The following SDK2 variants were observed in gnomAD, a reference collection of about 807,000 sequenced individuals.
The protein encoded by SDK2 is protein sidekick-2.
A neutral mutation model predicts 253.9 loss-of-function variants in SDK2; 105 were observed. The ratio of observed to expected loss-of-function variants is 0.41; its 90% CI spans 0.35 to 0.49. The LOEUF (loss-of-function observed/expected upper bound fraction) is 0.49. SDK2 is among the 20% of genes least tolerant of loss of function. The pLI is 0.06. For missense variants in SDK2, 2,608 were observed against 3,003.0 expected (o/e 0.87, Z 3.07); for synonymous variants, 1,249 against 1,234.9 (o/e 1.01, Z -0.24).
At chr17:73,486,649 G>T (rs963647699) in intron 2 of SDK2, among the ~76,000 whole-genome samples, 1 of 151,622 alleles carries the variant, frequency 6.6e-6, no homozygotes, top group Non-Finnish European at 1.5e-5. Context: ...AGAAAGAGAG[G>T]GCAAGTGATG....
At chr17:73,377,122 G>C (rs2062788640) in intron 36 of SDK2, among the ~76,000 whole-genome samples, 2 of 149,818 alleles carry the variant, frequency 1.3e-5, no homozygotes, top group South Asian at 4.2e-4. Flanking sequence ...CAGCCGCCAA[G>C]AATGAGAGTC....
intron 2 of SDK2, among the ~76,000 whole-genome samples, chr17:73,494,291 C>G (rs2063826778): frequency 6.6e-6 from 1 of 152,160 alleles, no homozygotes; most frequent in Non-Finnish European, 1.5e-5. Flanking sequence ...TCAGGGCCAC[C>G]ATGTCCCCCC....
In SDK2 at chr17:73,379,182, A is replaced by G; in HGVS notation, c.4975T>C (p.Tyr1659His). Residue 1659 changes from tyrosine to histidine, a missense_variant, in exon 36 of 45, where the codon TAC becomes CAC. Transcript: ENST00000392650. The surrounding 1 kb of genome is among the most constrained non-coding windows in gnomAD (Gnocchi z 4.5). ...LDSQNGDIQG[Y>H]KIYFWEAQRG... ...TCTGCCCGAGGGCACCCTACCTTGT[A>G]CCCCTGGATGTCTCCATTCTGGCTG... The G allele has an allele frequency of 6.4e-7, 1 of 1,554,910 alleles. No homozygotes were observed. The highest frequency in any genetic ancestry group is 8.7e-7 in the Non-Finnish European group (1 of 1,148,348).
At chr17:73,605,425 G>A (rs926261584) in intron 1 of SDK2, among the ~76,000 whole-genome samples, 2 of 152,116 alleles carry the variant, frequency 1.3e-5, no homozygotes, top group Non-Finnish European at 2.9e-5. Flanking sequence ...AAAAAGTCTT[G>A]CTAGAAGGAA....
chr17:73,415,864 C>T lies in SDK2; in HGVS notation c.2315G>A (p.Ser772Asn), dbSNP rs557475994. 7.0e-6 allele frequency: 11 copies of T among 1,570,698 alleles called. No homozygotes were observed. The South Asian group carries it at 1.3e-4, about 18-fold the overall frequency. The change falls in exon 17 of 45, where the codon AGC (serine) becomes AAC (asparagine). Residue 772 changes from serine to asparagine, a missense_variant. Physicochemically the swap from Ser to Asn is conservative, Grantham distance 46. Coordinates refer to ENST00000392650, the MANE Select transcript of SDK2 (RefSeq NM_001144952.2). ...NYEIEVAAYNSAGLGVYSSKV... is the reference protein window; with the variant it reads ...NYEIEVAAYNNAGLGVYSSKV... Reference sequence around the variant, plus strand: ...ACTGCTGTAGACCCCCAGCCCAGCGCTGTTGTAAGCAGCCACCTCGATCTC... The same window carrying T: ...ACTGCTGTAGACCCCCAGCCCAGCGTTGTTGTAAGCAGCCACCTCGATCTC...
intron 1 of SDK2, among the ~76,000 whole-genome samples, chr17:73,594,814 C>T (rs1388872295): frequency 1.4e-5 from 2 of 143,242 alleles, no homozygotes; most frequent in African/African-American, 6.1e-5. Flanking sequence ...ACACAGCACA[C>T]AGACACACAT....
chr17:73,360,566 A>T (rs746883065), intron 39 of SDK2, among the ~76,000 whole-genome samples: 53 of 148,458 alleles, frequency 3.6e-4, no homozygotes, highest in Non-Finnish European at 6.4e-4. Flanking sequence ...CTGACCAGTA[A>T]CAGGGACTTT....
rs2063610266 is a variant in SDK2, at chr17:73,467,457, T to C, written c.331+4655A>G. Among the ~76,000 whole-genome samples the C allele has an allele frequency of 6.6e-6, 1 of 152,142 alleles. No individual in the cohort carries two copies. ...GGCTGGGACGAGAACCACTGTGCCC[T>C]TCCCAGCACAGTGACCCTCAGGACG... On this transcript the variant is annotated intron_variant, in intron 3 of 44. Transcript: ENST00000392650. The surrounding 1 kb of genome is among the most constrained non-coding windows in gnomAD (Gnocchi z 4.1).
chr17:73,424,740 G>A (rs2063265782), intron 12 of SDK2, among the ~76,000 whole-genome samples: 1 of 152,222 alleles, frequency 6.6e-6, no homozygotes, highest in Non-Finnish European at 1.5e-5. Context: ...GAACCCAGGC[G>A]AGGTTGGCCT....
chr17:73,428,233 T>TG (rs1192741690), intron 12 of SDK2, among the ~76,000 whole-genome samples: 1 of 152,126 alleles, frequency 6.6e-6, no homozygotes, highest in African/African-American at 2.4e-5. Context: ...GAGCTAATTT[T>TG]TTTTGTATTT....
At position 73,374,610 on chromosome 17, in the gene SDK2, A is replaced by G. The variant is rs776890515; in HGVS notation, c.4980+4567T>C. On this transcript the variant is annotated intron_variant, in intron 36 of 44. Transcript: ENST00000392650. ...AGCCTCCCCAGTAGCTGGAATTACA[A>G]GCATGCGCTACCATACCCAGCTAAT... is the stretch of plus-strand genomic sequence containing the variant. 9.8e-5 allele frequency among the ~76,000 whole-genome samples: 14 copies of G among 143,436 alleles called. 3 individuals are homozygous for G. The highest frequency in any genetic ancestry group is 3.4e-4 in the African/African-American group (12 of 35,586). 94.1% of individuals were successfully genotyped at this position (143,436 alleles called of 152,430 possible). A position where few individuals can be genotyped will look rare whatever the true frequency, so the allele number is the denominator to read the frequency against.
At chr17:73,578,882 C>T (rs1454796546) in intron 1 of SDK2, among the ~76,000 whole-genome samples, 3 of 152,162 alleles carry the variant, frequency 2.0e-5, no homozygotes, top group Non-Finnish European at 4.4e-5. Context: ...GAGCTCCAGC[C>T]CTCACTTCTC....
At chr17:73,457,659 C>T (rs543246795) in intron 3 of SDK2, among the ~76,000 whole-genome samples, 1 of 151,826 alleles carries the variant, frequency 6.6e-6, no homozygotes, top group East Asian at 2.0e-4. Flanking sequence ...CCTACATCAC[C>T]CCAAGCCATC....
At chr17:73,417,780 T>G (rs188473438) in intron 16 of SDK2, among the ~76,000 whole-genome samples, 1 of 152,214 alleles carries the variant, frequency 6.6e-6, no homozygotes, top group East Asian at 1.9e-4. Context: ...CTCGACCCAT[T>G]TCTACCTCCA....
chr17:73,638,830 G>C (rs1371313709), intron 1 of SDK2, among the ~76,000 whole-genome samples: 1 of 138,374 alleles, frequency 7.2e-6, no homozygotes, highest in Non-Finnish European at 1.5e-5. Flanking sequence ...TTTTTAATGA[G>C]ACAGGGTCTC....
intron 39 of SDK2, among the ~76,000 whole-genome samples, chr17:73,358,477 C>T (rs916349746): frequency 2.6e-5 from 4 of 152,178 alleles, no homozygotes; most frequent in Non-Finnish European, 4.4e-5. Flanking sequence ...GGAGTAGAGC[C>T]AGGAGACCTG....
intron 3 of SDK2, among the ~76,000 whole-genome samples, chr17:73,469,992 G>GCGTGCA (rs1328450219): frequency 2.4e-5 from 3 of 126,184 alleles, no homozygotes; most frequent in Non-Finnish European, 4.9e-5. Context: ...GCGCGCGCGC[G>GCGTGCA]CACACACACA....
intron 43 of SDK2, 130 bp from the exon 44 acceptor site, chr17:73,348,855 G>A (rs2062509268): frequency 2.7e-6 from 2 of 739,922 alleles, no homozygotes; most frequent in Non-Finnish European, 4.3e-6. Flanking sequence ...TCCTTCCTGG[G>A]TCTGCCTTCC....
In SDK2 at chr17:73,534,021, C is replaced by A. The variant is rs139351764; in HGVS notation, c.65-26424G>T. On this transcript the variant is annotated intron_variant, in intron 1 of 44. Transcript: ENST00000392650. The surrounding 1 kb of genome is among the most constrained non-coding windows in gnomAD (Gnocchi z 4.9). Reference sequence around the variant, plus strand: ...TCTGCACCTCCGCTTGCAGCCAAGACGCCATTCTGCTCCGCCTGCTCCCTG... The same window carrying A: ...TCTGCACCTCCGCTTGCAGCCAAGAAGCCATTCTGCTCCGCCTGCTCCCTG... Among the ~76,000 whole-genome samples, 8 of 152,262 alleles carry A rather than the reference C, an allele frequency of 5.3e-5. No individual in the cohort carries two copies. The East Asian group carries it at 1.5e-3, about 29-fold the overall frequency.
Sources: gnomAD v4.1 joint callset for allele counts (sites outside exome capture counted in the v4.1 genomes callset) on GRCh38, gnomAD v4.1.1 for gene constraint, Gnocchi (gnomAD v3.1) non-coding constraint, MANE v1.5 for transcripts, NCBI Gene and HGNC (gene_info 2026-07-23, HGNC 2026-07-21) for gene names.